Variants in CACTIN observed in about 807,000 individuals in gnomAD.
CACTIN encodes cactin, spliceosome C complex subunit, also known as splicing factor Cactin.
Under a neutral mutation model 84.9 loss-of-function variants are expected in CACTIN, and 20 were observed. The observed-to-expected ratio is 0.24, with a 90% CI of 0.17 to 0.34. The LOEUF (loss-of-function observed/expected upper bound fraction) is 0.34, where lower values mean the gene tolerates loss of function less well. Among genes scored for constraint, CACTIN ranks in the 10% least tolerant of loss-of-function variants. The pLI is 1.00. For synonymous variants in CACTIN, 549 were observed against 467.9 expected, an observed-to-expected ratio of 1.17 and a Z score of -2.24; for missense variants, 897 against 1,117.2, an observed-to-expected ratio of 0.80 and a Z score of 2.81.
chr19:3,612,058 C>T lies in CACTIN; in HGVS notation c.2142G>A (p.Pro714=). 6.2e-7 allele frequency: 1 copy of T among 1,613,870 alleles called. No individual in the cohort carries two copies. The highest frequency in any genetic ancestry group is 1.1e-5 in the South Asian group (1 of 91,088). Residue 714 remains proline (P), a synonymous_variant, in exon 10 of 10, where the codon CCG becomes CCA. Transcript: ENST00000429344. ...DFAILRFHAG[P]PYEDIAFKIV... ...TCTTGAAAGCGATGTCCTCGTAGGG[C>T]GGCCCCGCGTGGAAGCGCAGGATGG...
chr19:3,612,719 G>C, intron 9 of CACTIN: 5 of 696,484 alleles, frequency 7.2e-6, no homozygotes, highest in South Asian at 6.0e-5. Flanking sequence ...CCAGCCCCAC[G>C]CATGACCCCC....
At position 3,611,878 on chromosome 19, in the gene CACTIN, T is replaced by C. The variant is rs1414776016; in HGVS notation, c.*45A>G. The C allele has an allele frequency of 4.4e-6, 7 of 1,600,548 alleles. No individual in the cohort carries two copies. The highest frequency in any genetic ancestry group is 6.0e-6 in the Non-Finnish European group (7 of 1,176,274). On this transcript the variant is annotated 3_prime_UTR_variant, in exon 10 of 10. Transcript: ENST00000429344. Reference sequence around the variant, plus strand: ...TGACCACCAGCTTCACCGAAGCCCCTTTACTGTGCCCCCGAGGACACCTGC... The same window carrying C: ...TGACCACCAGCTTCACCGAAGCCCCCTTACTGTGCCCCCGAGGACACCTGC...
intron 1 of CACTIN, among the ~76,000 whole-genome samples, chr19:3,624,516 G>A (rs1438993747): frequency 2.0e-5 from 3 of 152,154 alleles, no homozygotes; most frequent in Admixed American, 6.5e-5. Context: ...GGGTGGATTC[G>A]GAGGGAGAGT....
chr19:3,625,861 C>T (rs1157063253), intron 1 of CACTIN, among the ~76,000 whole-genome samples: 1 of 152,246 alleles, frequency 6.6e-6, no homozygotes, highest in African/African-American at 2.4e-5. Context: ...TCCCTGTCCC[C>T]ATTTTGGTTT....
rs751746396 is a variant in CACTIN, at chr19:3,610,938, C to A, written c.*985G>T. 4 of 456,768 alleles carry A rather than the reference C, an allele frequency of 8.8e-6. No individual in the cohort carries two copies. In the Admixed American group the frequency reaches 9.4e-5, roughly 11 times the overall value. The allele number at this position is 456,768 out of a possible 1,614,324, so 28.3% of individuals were successfully genotyped here. On this transcript the variant is annotated 3_prime_UTR_variant, in exon 10 of 10. Coordinates refer to ENST00000429344, the MANE Select transcript of CACTIN (RefSeq NM_001080543.2). ...GCCGGCTGGGCCACTCCGACCTGGGCTGTGGCACCCGTGTGGCCCTCGGCC... is the reference window on the plus strand; with the variant it reads ...GCCGGCTGGGCCACTCCGACCTGGGATGTGGCACCCGTGTGGCCCTCGGCC...
Position 3,611,362 on chromosome 19 carries a change from T to C in CACTIN, c.*561A>G, listed in dbSNP as rs2032945433. The C allele has an allele frequency of 2.2e-6, 1 of 450,120 alleles. No individual in the cohort carries two copies. The highest frequency in any genetic ancestry group is 1.6e-5 in the South Asian group (1 of 63,846). 27.9% of individuals were successfully genotyped at this position (450,120 alleles called of 1,614,324 possible). A position where few individuals can be genotyped will look rare whatever the true frequency, so the allele number is the denominator to read the frequency against. On this transcript the variant is annotated 3_prime_UTR_variant, in exon 10 of 10. Coordinates refer to ENST00000429344, the MANE Select transcript of CACTIN (RefSeq NM_001080543.2). ...GCCAGCAGGGTCCCGGCCTCAGTGC[T>C]GCCTGTGCGGGCGAGGGTGGCCTGT...
chr19:3,613,030 A>AC (rs1486700949), intron 9 of CACTIN, 28 bp downstream of exon 9: 77 of 839,634 alleles, frequency 9.2e-5, no homozygotes, highest in Non-Finnish European at 1.3e-4. Context: ...CACTGGCCCC[A>AC]CCCCCTGGCC....
chr19:3,622,363 C>CA (rs34766613), intron 2 of CACTIN, among the ~76,000 whole-genome samples: 69,740 of 88,036 alleles, frequency 0.79, 27,630 homozygotes, highest in East Asian at 0.92. Context: ...GACTCCATCT[C>CA]AAAAAAAAAA....
At chr19:3,624,337 A>G (rs751649401) in intron 1 of CACTIN, among the ~76,000 whole-genome samples, 175 bp from the exon 2 acceptor site, 14 of 152,210 alleles carry the variant, frequency 9.2e-5, no homozygotes, top group South Asian at 2.1e-4. Context: ...GGCCCCAACA[A>G]GGAAGACATC....
chr19:3,625,263 CA>C (rs929225736), intron 1 of CACTIN, among the ~76,000 whole-genome samples: 2 of 152,070 alleles, frequency 1.3e-5, no homozygotes, highest in Admixed American at 6.6e-5. Flanking sequence ...AAGCTCATGT[CA>C]AAAAAATCTA....
Position 3,611,681 on chromosome 19 carries a change from G to A in CACTIN, c.*242C>T, listed in dbSNP as rs755623518. 3.7e-5 allele frequency: 21 copies of A among 569,524 alleles called. No homozygotes were observed. The highest frequency in any genetic ancestry group is 9.5e-5 in the East Asian group (3 of 31,548). The allele number at this position is 569,524 out of a possible 1,614,324, so 35.3% of individuals were successfully genotyped here. On this transcript the variant is annotated 3_prime_UTR_variant, in exon 10 of 10. Coordinates refer to ENST00000429344, the MANE Select transcript of CACTIN (RefSeq NM_001080543.2). ...GAAAGATGCCCCTAGCGCCCCCTCC[G>A]TTGCATCAGGACCCTAGGCCAGCCT...
chr19:3,613,902 C>A (rs1455803207), intron 7 of CACTIN: 1 of 474,078 alleles, frequency 2.1e-6, no homozygotes, highest in East Asian at 3.6e-5. Context: ...AGCCAACAAG[C>A]ATGATAAATT....
Position 3,615,534 on chromosome 19 carries a change from A to C in CACTIN, c.1163-945T>G, listed in dbSNP as rs1415834628. 2 of 152,344 alleles carry C rather than the reference A, an allele frequency of 1.3e-5. No individual in the cohort carries two copies. Among genetic ancestry groups the C allele is most frequent in the Non-Finnish European group, 2.9e-5 (2 of 68,174 alleles). The allele number at this position is 152,344 out of a possible 1,614,324, so 9.4% of individuals were successfully genotyped here. A position where few individuals can be genotyped will look rare whatever the true frequency, so the allele number is the denominator to read the frequency against. ...GCTTCCTGAATTCCTCGCATCCTCC[A>C]TGCTCAGTGAGAACATCCCTTCCGC... On this transcript the variant is annotated intron_variant, in intron 6 of 9. Transcript: ENST00000429344. The surrounding 1 kb of genome is among the most constrained non-coding windows in gnomAD (Gnocchi z 5.2).
intron 1 of CACTIN, among the ~76,000 whole-genome samples, chr19:3,625,721 C>G (rs2033319428): frequency 6.6e-6 from 1 of 152,202 alleles, no homozygotes; most frequent in Non-Finnish European, 1.5e-5. Flanking sequence ...AGCAAGACTC[C>G]GTCTCAAAAA....
At chr19:3,624,862 G>A (rs1439979168) in intron 1 of CACTIN, among the ~76,000 whole-genome samples, 2 of 151,994 alleles carry the variant, frequency 1.3e-5, no homozygotes, top group African/African-American at 4.8e-5. Context: ...TTAGAGACAA[G>A]GTCTACTAGA....
chr19:3,619,439 C>T (rs1568294866), intron 4 of CACTIN, among the ~76,000 whole-genome samples, 197 bp from the exon 5 acceptor site: 1 of 152,174 alleles, frequency 6.6e-6, no homozygotes, highest in Non-Finnish European at 1.5e-5. Context: ...GGGCGCAGGC[C>T]AGCAGTGCAG....
chr19:3,618,804 G>A, intron 6 of CACTIN, 71 bp downstream of exon 6: 1 of 1,253,668 alleles, frequency 8.0e-7, no homozygotes, highest in Non-Finnish European at 1.1e-6. Context: ...CCCACAGCAA[G>A]TCTGAGGCTT....
At chr19:3,624,318 C>T (rs1032837951) in intron 1 of CACTIN, among the ~76,000 whole-genome samples, 156 bp from the exon 2 acceptor site, 2 of 152,210 alleles carry the variant, frequency 1.3e-5, no homozygotes, top group Non-Finnish European at 2.9e-5. Flanking sequence ...CTGGGCTCAC[C>T]CTCTGGTGGG....
intron 6 of CACTIN, among the ~76,000 whole-genome samples, chr19:3,617,687 C>T (rs1027284214): frequency 7.3e-5 from 11 of 151,402 alleles, no homozygotes; most frequent in Admixed American, 1.3e-4. Context: ...TTCCTGCAGC[C>T]GGTGGGTAGG....
Sources: gnomAD v4.1 joint callset for allele counts (sites outside exome capture counted in the v4.1 genomes callset) on GRCh38, gnomAD v4.1.1 for gene constraint, Gnocchi (gnomAD v3.1) non-coding constraint, MANE v1.5 for transcripts, NCBI Gene and HGNC (gene_info 2026-07-23, HGNC 2026-07-21) for gene names.